CHSY3: variants seen among roughly 807,000 people sequenced by gnomAD.
CHSY3 encodes N-acetylgalactosaminyl-proteoglycan 3-beta-glucuronosyltransferase 3.
Under a neutral mutation model 67.2 loss-of-function variants are expected in CHSY3, and 35 were observed. The ratio of observed to expected loss-of-function variants is 0.52; its 90% CI spans 0.40 to 0.69. The LOEUF (loss-of-function observed/expected upper bound fraction) is 0.69, where lower values mean the gene tolerates loss of function less well. Among genes scored for constraint, CHSY3 ranks in the 30% least tolerant of loss-of-function variants. CHSY3 has a pLI of 0.00. For missense variants in CHSY3, 1,069 were observed against 1,138.5 expected, an observed-to-expected ratio of 0.94 and a Z score of 0.88; for synonymous variants, 474 against 434.7, an observed-to-expected ratio of 1.09 and a Z score of -1.12.
In CHSY3 at chr5:129,909,476, A is replaced by C. The variant is rs1311324805; in HGVS notation, c.1086+1116A>C. On this transcript the variant is annotated intron_variant, in intron 2 of 2. Coordinates refer to ENST00000305031, the MANE Select transcript of CHSY3 (RefSeq NM_175856.5). ...TATAGTTAATTTTGCTTTCTCTTTC[A>C]TACTTTGTGGTATTTATACTTTGGG... Among the ~76,000 whole-genome samples the C allele has an allele frequency of 2.0e-5, 3 of 152,066 alleles. No homozygotes were observed. In the East Asian group the frequency reaches 5.8e-4, roughly 29 times the overall value.
intron 2 of CHSY3, among the ~76,000 whole-genome samples, chr5:130,051,428 A>G (rs1765353175): frequency 6.6e-6 from 1 of 152,096 alleles, no homozygotes; most frequent in Non-Finnish European, 1.5e-5. Context: ...TTAACCAAAG[A>G]AAAACATGTT....
rs1236232960 is a variant in CHSY3, at chr5:130,077,870, GA to G, written c.1087-106352del. Among the ~76,000 whole-genome samples, 8 of 151,384 alleles carry G rather than the reference GA, an allele frequency of 5.3e-5. No homozygotes were observed. The East Asian group carries it at 5.8e-4, about 11-fold the overall frequency. The stretch of plus-strand genomic sequence containing the variant: ...ATTCTTTTTTGTGAGAATACATATT[GA>G]AAAAAAGTTTTATTTTATATAACAA... On this transcript the variant is annotated intron_variant, in intron 2 of 2. Transcript: ENST00000305031.
chr5:130,042,489 G>C (rs540005936), intron 2 of CHSY3, among the ~76,000 whole-genome samples: 1 of 151,860 alleles, frequency 6.6e-6, no homozygotes, highest in Non-Finnish European at 1.5e-5. Flanking sequence ...TTTGTCTATT[G>C]GTTTTAAAAA....
chr5:130,122,677 A>G (rs1320817111), intron 2 of CHSY3, among the ~76,000 whole-genome samples: 1 of 152,216 alleles, frequency 6.6e-6, no homozygotes. Flanking sequence ...TCCAAAATGA[A>G]AGCGGTTTTT....
chr5:129,915,596 TCA>T (rs906852587), intron 2 of CHSY3, among the ~76,000 whole-genome samples: 1 of 152,242 alleles, frequency 6.6e-6, no homozygotes, highest in African/African-American at 2.4e-5. Flanking sequence ...TAATCATTCT[TCA>T]CAGTCAGTGG....
intron 2 of CHSY3, among the ~76,000 whole-genome samples, chr5:129,993,033 AAACAC>A: frequency 6.6e-6 from 1 of 152,150 alleles, no homozygotes; most frequent in East Asian, 1.9e-4. Flanking sequence ...TTGGCACACA[AAACAC>A]TGTTGCAAAT....
chr5:130,130,465 T>C (rs1768445655), intron 2 of CHSY3, among the ~76,000 whole-genome samples: 1 of 152,190 alleles, frequency 6.6e-6, no homozygotes, highest in African/African-American at 2.4e-5. Flanking sequence ...TTCTTATTAC[T>C]TCACTAACCC....
chr5:130,127,202 G>A (rs1053523668), intron 2 of CHSY3, among the ~76,000 whole-genome samples: 5 of 126,238 alleles, frequency 4.0e-5, no homozygotes, highest in Non-Finnish European at 8.9e-5. Context: ...TTTCTCTTGA[G>A]CCAATCATCA....
chr5:129,911,615 A>G (rs575635600), intron 2 of CHSY3, among the ~76,000 whole-genome samples: 42 of 152,358 alleles, frequency 2.8e-4, no homozygotes, highest in African/African-American at 9.4e-4. Flanking sequence ...ATTTCACTTA[A>G]TAATCATTAG....
intron 2 of CHSY3, among the ~76,000 whole-genome samples, chr5:129,989,053 C>T (rs1390452235): frequency 3.9e-5 from 6 of 152,112 alleles, no homozygotes; most frequent in African/African-American, 1.4e-4. Flanking sequence ...GTATTCTTTG[C>T]TTAGTTCCTG....
chr5:130,140,612 G>T, intron 2 of CHSY3: 2 of 427,244 alleles, frequency 4.7e-6, no homozygotes, highest in South Asian at 8.0e-5. Context: ...GCTGATCTTT[G>T]ACCTGGGAGA....
intron 2 of CHSY3, among the ~76,000 whole-genome samples, chr5:130,152,812 A>T (rs1380520513): frequency 2.0e-5 from 3 of 152,194 alleles, no homozygotes; most frequent in Non-Finnish European, 2.9e-5. Flanking sequence ...TAATTTTTGA[A>T]AACTGAAGAA....
At chr5:129,922,349 C>T (rs571268536) in intron 2 of CHSY3, among the ~76,000 whole-genome samples, 174 of 152,320 alleles carry the variant, frequency 1.1e-3, no homozygotes, top group African/African-American at 3.9e-3. Flanking sequence ...TGGATATATA[C>T]CCCAAAGTGA....
intron 2 of CHSY3, among the ~76,000 whole-genome samples, chr5:130,085,109 T>G (rs866876524): frequency 2.6e-5 from 4 of 151,988 alleles, no homozygotes; most frequent in Admixed American, 1.3e-4. Context: ...AGGTTAATAT[T>G]GGAATGCCCC....
chr5:129,909,003 T>G (rs1262280403), intron 2 of CHSY3, among the ~76,000 whole-genome samples: 1 of 152,142 alleles, frequency 6.6e-6, no homozygotes, highest in Non-Finnish European at 1.5e-5. Flanking sequence ...GCTTAGTATT[T>G]TTGACAGGTT....
chr5:129,939,462 A>G (rs920672741), intron 2 of CHSY3, among the ~76,000 whole-genome samples: 13 of 152,204 alleles, frequency 8.5e-5, no homozygotes, highest in African/African-American at 3.1e-4. Flanking sequence ...TAATATTTGT[A>G]TAGGATTTTA....
intron 2 of CHSY3, among the ~76,000 whole-genome samples, chr5:130,066,988 G>A (rs773167301): frequency 6.6e-6 from 1 of 152,144 alleles, no homozygotes; most frequent in Non-Finnish European, 1.5e-5. Flanking sequence ...TAGTGCTTTA[G>A]AATTTTGTGA....
chr5:130,160,903 T>TTATTTATTTA (rs1285322372), intron 2 of CHSY3, among the ~76,000 whole-genome samples: 1 of 143,970 alleles, frequency 6.9e-6, no homozygotes, highest in African/African-American at 2.7e-5. Flanking sequence ...TTATTTTTTT[T>TTATTTATTTA]TTTTTATTTT....
At chr5:130,136,346 T>G (rs111915542) in intron 2 of CHSY3, among the ~76,000 whole-genome samples, 3,782 of 152,162 alleles carry the variant, frequency 0.025, 149 homozygotes, top group African/African-American at 0.085. Context: ...AAAACTGGGG[T>G]GTACTGTGTA....
Sources: gnomAD v4.1 joint callset for allele counts (sites outside exome capture counted in the v4.1 genomes callset) on GRCh38, gnomAD v4.1.1 for gene constraint, MANE v1.5 for transcripts, NCBI Gene and HGNC (gene_info 2026-07-23, HGNC 2026-07-21) for gene names.